Variants in NLN observed in about 807,000 individuals in gnomAD.
NLN encodes neurolysin.
In NLN, 64 loss-of-function variants were observed where a neutral mutation model predicts 79.9. That is an observed-to-expected ratio of 0.80 (90% confidence interval 0.65 to 0.99). The LOEUF (loss-of-function observed/expected upper bound fraction) is 0.99, where lower values mean the gene tolerates loss of function less well. NLN is among the 50% of genes least tolerant of loss of function. The pLI is 0.00. For synonymous variants in NLN, 267 were observed against 296.6 expected, an observed-to-expected ratio of 0.90 and a Z score of 1.02; for missense variants, 835 against 858.7, an observed-to-expected ratio of 0.97 and a Z score of 0.34.
chr5:65,785,732 AT>A, intron 6 of NLN, 42 bp from the exon 7 acceptor site: 1 of 1,551,466 alleles, frequency 6.4e-7, no homozygotes, highest in Non-Finnish European at 8.9e-7. Context: ...TTTGGATCAA[AT>A]TATTGATTAG....
chr5:65,763,666 T>G (rs757490721), intron 3 of NLN, among the ~76,000 whole-genome samples: 97 of 152,192 alleles, frequency 6.4e-4, no homozygotes, highest in Admixed American at 1.2e-3. Flanking sequence ...GCAATTTTTT[T>G]GGGGAAAAAA....
In NLN at chr5:65,814,681, G is replaced by A. The variant is rs549465798; in HGVS notation, c.1980+2290G>A. On this transcript the variant is annotated intron_variant, in intron 12 of 12. Transcript: ENST00000380985. The stretch of plus-strand genomic sequence containing the variant: ...CTCATTACCTTTTCTCTTCTCTTTT[G>A]GAGAACTGTCCCCAAAACAAATAGA... 5.9e-5 allele frequency among the ~76,000 whole-genome samples: 9 copies of A among 151,658 alleles called. No homozygotes were observed. In the South Asian group the frequency reaches 1.9e-3, roughly 32 times the overall value.
rs761183345 is a variant in NLN at position 65,781,367 on chromosome 5, T to A, written c.768T>A (p.Cys256Ter). 4 of 1,608,350 alleles carry A rather than the reference T, an allele frequency of 2.5e-6. No homozygotes were observed. Among genetic ancestry groups the A allele is most frequent in the Non-Finnish European group, 3.4e-6 (4 of 1,174,764 alleles). Residue 256 changes from cysteine (C) to a stop codon, truncating the protein, a stop_gained, in exon 6 of 13, where the codon TGT becomes TGA. Coordinates refer to ENST00000380985, the MANE Select transcript of NLN (RefSeq NM_020726.5). LOFTEE classifies it high-confidence loss of function. Reference protein sequence around the residue: ...PHYFPVMKKCCIPETRRRMEM... With the variant: ...PHYFPVMKKC ...ATTTCCCTGTCATGAAGAAATGTTG[T>A]ATCCCTGAAACCAGAAGAAGGATGG...
chr5:65,766,270 A>T (rs893265985), intron 3 of NLN, among the ~76,000 whole-genome samples: 2 of 152,202 alleles, frequency 1.3e-5, no homozygotes, highest in African/African-American at 2.4e-5. Context: ...TTATAAAGAA[A>T]GAGGTTTAAT....
At position 65,824,941 on chromosome 5, in the gene NLN, C is replaced by CA. The variant is rs1156838178; in HGVS notation, c.*2031dup. Reference sequence around the variant, plus strand: ...TCAACATGGTGAAACCCTGTCTCTACAAAAATACAAAAAGCTGGGCATGAT... The same window carrying CA: ...TCAACATGGTGAAACCCTGTCTCTACAAAAAATACAAAAAGCTGGGCATGAT... On this transcript the variant is annotated 3_prime_UTR_variant, in exon 13 of 13. Transcript: ENST00000380985. 6.6e-6 allele frequency: 1 copy of CA among 152,130 alleles called. No individual in the cohort carries two copies. The highest frequency in any genetic ancestry group is 6.5e-5 in the Admixed American group (1 of 15,268). The allele number at this position is 152,130 out of a possible 1,614,324, so 9.4% of individuals were successfully genotyped here. A position where few individuals can be genotyped will look rare whatever the true frequency, so the allele number is the denominator to read the frequency against.
At chr5:65,742,048 A>G (rs552744202) in intron 1 of NLN, among the ~76,000 whole-genome samples, 2 of 152,330 alleles carry the variant, frequency 1.3e-5, no homozygotes, top group Non-Finnish European at 2.9e-5. Flanking sequence ...TATTTCTAGC[A>G]TCATACAGTT....
At chr5:65,784,809 C>G (rs1003129796) in intron 6 of NLN, among the ~76,000 whole-genome samples, 14 of 152,130 alleles carry the variant, frequency 9.2e-5, no homozygotes, top group African/African-American at 3.4e-4. Context: ...GAAACTCTAC[C>G]CATTAAGCAT....
At chr5:65,763,197 T>G in intron 3 of NLN, 89 bp downstream of exon 3, 1 of 1,098,838 alleles carries the variant, frequency 9.1e-7, no homozygotes. Context: ...CTGACTGGAT[T>G]TTCTTAGCTT....
chr5:65,821,042 CAAA>C (rs1326744179), intron 12 of NLN, among the ~76,000 whole-genome samples: 1 of 57,490 alleles, frequency 1.7e-5, no homozygotes, highest in Admixed American at 2.0e-4. Context: ...GACTCTGTCT[CAAA>C]AAAAAAAAAA....
chr5:65,812,290 G>A lies in NLN; in HGVS notation c.1879G>A (p.Gly627Arg). The change falls in exon 12 of 13, where the codon GGG becomes AGG. Residue 627 changes from glycine (G) to arginine (R), a missense_variant. Coordinates refer to ENST00000380985, the MANE Select transcript of NLN (RefSeq NM_020726.5). ...GCCAGCTACCTTTGGACATTTGGCA[G>A]GGGGATACGATGGCCAATATTATGG... ...NMPATFGHLAGGYDGQYYGYL... is the reference protein window; with the variant it reads ...NMPATFGHLARGYDGQYYGYL... 1.2e-6 allele frequency: 2 copies of A among 1,612,564 alleles called. No individual in the cohort carries two copies. The highest frequency in any genetic ancestry group is 1.7e-6 in the Non-Finnish European group (2 of 1,178,606).
chr5:65,807,071 G>A (rs781672325), intron 9 of NLN, among the ~76,000 whole-genome samples: 20 of 152,018 alleles, frequency 1.3e-4, no homozygotes, highest in Admixed American at 3.9e-4. Flanking sequence ...CAGCTACTAG[G>A]GAAGGTAAGG....
intron 3 of NLN, among the ~76,000 whole-genome samples, chr5:65,768,798 C>T (rs1173774975): frequency 6.6e-6 from 1 of 152,158 alleles, no homozygotes; most frequent in Non-Finnish European, 1.5e-5. Context: ...GGGAGAGAGA[C>T]AGGGAGAACT....
Position 65,768,380 on chromosome 5 carries a change from T to C in NLN, c.450+5272T>C, listed in dbSNP as rs139837735. ...ACTTAGGGGAAGCATTAGACACTTA[T>C]AAAACAACCAGATCTTGTGAGAACT... On this transcript the variant is annotated intron_variant, in intron 3 of 12. Coordinates refer to ENST00000380985, the MANE Select transcript of NLN (RefSeq NM_020726.5). 2.0e-4 allele frequency among the ~76,000 whole-genome samples: 30 copies of C among 152,202 alleles called. No homozygotes were observed. In the East Asian group the frequency reaches 2.7e-3, roughly 14 times the overall value.
At chr5:65,748,283 G>C (rs1759029394) in intron 1 of NLN, among the ~76,000 whole-genome samples, 1 of 152,136 alleles carries the variant, frequency 6.6e-6, no homozygotes, top group South Asian at 2.1e-4. Context: ...AAAATAGAGG[G>C]ATTAAAGGAC....
Position 65,780,242 on chromosome 5 carries a change from G to T in NLN, c.622G>T (p.Glu208Ter). The change falls in exon 5 of 13, where the codon GAG (glutamate) becomes TAG (stop). Residue 208 changes from glutamate to a stop codon, truncating the protein, a stop_gained. Coordinates refer to ENST00000380985, the MANE Select transcript of NLN (RefSeq NM_020726.5). LOFTEE classifies it high-confidence loss of function. ...LCIDFNKNLN[E>*]DDTFLVFSKA... The stretch of plus-strand genomic sequence containing the variant: ...TATTGATTTTAACAAAAACCTCAAT[G>T]AGGATGATACCTTCCTTGTATTTTC... 6.7e-7 allele frequency: 1 copy of T among 1,485,402 alleles called. No individual in the cohort carries two copies. The highest frequency in any genetic ancestry group is 9.3e-7 in the Non-Finnish European group (1 of 1,072,668). 92.0% of individuals were successfully genotyped at this position (1,485,402 alleles called of 1,614,324 possible).
chr5:65,803,211 T>C (rs145472235), intron 9 of NLN, among the ~76,000 whole-genome samples: 1,737 of 152,184 alleles, frequency 0.011, 31 homozygotes, highest in African/African-American at 0.04. Context: ...GGCTTGAAGG[T>C]GGGGCTTCAC....
intron 1 of NLN, among the ~76,000 whole-genome samples, chr5:65,726,359 C>T (rs952945349): frequency 1.3e-5 from 2 of 152,106 alleles, no homozygotes; most frequent in African/African-American, 4.8e-5. Context: ...TTATTTTTAG[C>T]CTGAGTGCAT....
chr5:65,807,720 G>A (rs979622394), intron 9 of NLN, among the ~76,000 whole-genome samples: 6 of 152,206 alleles, frequency 3.9e-5, no homozygotes, highest in East Asian at 1.9e-4. Flanking sequence ...GATTACAGGC[G>A]TGAGTCACCG....
intron 12 of NLN, among the ~76,000 whole-genome samples, chr5:65,812,774 T>A (rs918528094): frequency 2.0e-5 from 3 of 152,184 alleles, no homozygotes; most frequent in Non-Finnish European, 4.4e-5. Flanking sequence ...TTTCCCTGTG[T>A]TTTGATATTC....
Sources: allele counts gnomAD v4.1 joint callset (sites outside exome capture counted in the v4.1 genomes callset), GRCh38; gene constraint gnomAD v4.1.1; transcripts MANE v1.5; gene names NCBI Gene and HGNC (gene_info 2026-07-23, HGNC 2026-07-21).